SYTL2: variants seen among roughly 807,000 people sequenced by gnomAD.
SYTL2 encodes synaptotagmin-like protein 2.
A neutral mutation model predicts 198.7 loss-of-function variants in SYTL2; 165 were observed. That is an observed-to-expected ratio of 0.83 (90% CI 0.73 to 0.94). The LOEUF (loss-of-function observed/expected upper bound fraction) is 0.94, where lower values mean the gene tolerates loss of function less well. Ranked by LOEUF, SYTL2 falls within the 40% of genes least tolerant of loss-of-function variation. SYTL2 has a pLI of 0.00. For synonymous variants in SYTL2, 966 were observed against 917.7 expected (o/e 1.05, Z -0.95); for missense variants, 2,835 against 2,582.8 (o/e 1.10, Z -2.12).
At chr11:85,828,688 CT>C in the SYTL2 span, among the ~76,000 whole-genome samples, 1 of 152,200 alleles carries the variant, frequency 6.6e-6, no homozygotes. Flanking sequence ...ATTTGATCCT[CT>C]CAACAGCCCT....
At position 85,698,098 on chromosome 11, in the gene SYTL2, G is replaced by C. The variant is rs1441084566; in HGVS notation, c.6269-20C>G. 1 of 1,572,594 alleles carries C rather than the reference G, an allele frequency of 6.4e-7. No individual in the cohort carries two copies. The highest frequency in any genetic ancestry group is 8.7e-7 in the Non-Finnish European group (1 of 1,143,632). ...TTTTACCTACAATAGAAAAAGAAGA[G>C]AAAATTTTCACTGCCAGTTCTCCCT... On this transcript the variant is annotated intron_variant, in intron 17 of 19. Coordinates refer to ENST00000359152, the MANE Select transcript of SYTL2 (RefSeq NM_206927.4).
At chr11:85,712,810 G>A (rs747688483) in intron 12 of SYTL2, among the ~76,000 whole-genome samples, 12 of 151,798 alleles carry the variant, frequency 7.9e-5, no homozygotes, top group Non-Finnish European at 1.6e-4. Context: ...TCTGCCTCCC[G>A]GGTTCAAGCA....
intron 16 of SYTL2, 134 bp downstream of exon 16, chr11:85,704,724 C>CT (rs911217810): frequency 4.6e-5 from 29 of 628,804 alleles, no homozygotes; most frequent in South Asian, 8.2e-5. Flanking sequence ...TTTTACCTTT[C>CT]TTTTTTTTCC....
intron 11 of SYTL2, chr11:85,714,838 A>T: frequency 3.2e-6 from 1 of 309,676 alleles, no homozygotes; most frequent in South Asian, 5.6e-5. Flanking sequence ...ACAGAGCTTC[A>T]GACCACAAAG....
chr11:85,756,810 T>A (rs1304467577), intron 2 of SYTL2, among the ~76,000 whole-genome samples: 1 of 152,218 alleles, frequency 6.6e-6, no homozygotes, highest in Admixed American at 6.5e-5. Context: ...AATAAAGCCA[T>A]TATTCATGGT....
intron 1 of SYTL2, among the ~76,000 whole-genome samples, chr11:85,775,527 G>A (rs373672343): frequency 6.6e-6 from 1 of 152,128 alleles, no homozygotes; most frequent in African/African-American, 2.4e-5. Flanking sequence ...CTATCATCCA[G>A]GCTAGAGTAC....
intron 1 of SYTL2, among the ~76,000 whole-genome samples, chr11:85,762,897 G>T (rs562956979): frequency 2.0e-5 from 3 of 151,876 alleles, no homozygotes; most frequent in African/African-American, 7.3e-5. Flanking sequence ...CCAGTGATTT[G>T]TATTCCCAGC....
the SYTL2 span, among the ~76,000 whole-genome samples, chr11:85,848,303 T>A: frequency 6.6e-6 from 1 of 151,678 alleles, no homozygotes; most frequent in South Asian, 2.1e-4. Context: ...AGAGCAGATA[T>A]TTTAAATTTA....
chr11:85,720,249 A>G (rs1247392350), intron 9 of SYTL2, among the ~76,000 whole-genome samples: 1 of 152,248 alleles, frequency 6.6e-6, no homozygotes, highest in African/African-American at 2.4e-5. Flanking sequence ...CCTTGAAGCC[A>G]GGGACTAATT....
the SYTL2 span, among the ~76,000 whole-genome samples, chr11:85,839,342 G>A: frequency 1.4e-3 from 214 of 152,074 alleles, 4 homozygotes; most frequent in African/African-American, 5.0e-3. Flanking sequence ...TCACCCTTTC[G>A]TAACAGATCT....
chr11:85,815,945 C>A (rs2153669180), upstream of SYTL2, among the ~76,000 whole-genome samples: 1 of 152,278 alleles, frequency 6.6e-6, no homozygotes, highest in Non-Finnish European at 1.5e-5. Flanking sequence ...TGGTGGATTG[C>A]TTGAGCTCAG....
In SYTL2 at chr11:85,757,789, C is replaced by G; in HGVS notation, c.-64G>C. The G allele has an allele frequency of 1.3e-6, 2 of 1,593,754 alleles. No homozygotes were observed. The highest frequency in any genetic ancestry group is 2.2e-5 in the South Asian group (2 of 90,728). On this transcript the variant is annotated 5_prime_UTR_variant, in exon 2 of 20. Coordinates refer to ENST00000359152, the MANE Select transcript of SYTL2 (RefSeq NM_206927.4). ...GCTCAAAATTCTCAGGGCTGAACAACTAAGACTGCAACCAGGAAGATTAAA... is the reference window on the plus strand; with the variant it reads ...GCTCAAAATTCTCAGGGCTGAACAAGTAAGACTGCAACCAGGAAGATTAAA...
the SYTL2 span, among the ~76,000 whole-genome samples, chr11:85,845,747 T>TAC: frequency 2.4e-3 from 362 of 151,552 alleles, 1 homozygote; most frequent in African/African-American, 7.2e-3. Context: ...TCTCTACTAA[T>TAC]ACACACACAC....
rs766225571 is a variant in SYTL2, at chr11:85,757,629, C to A, written c.97G>T (p.Val33Phe). 10 of 1,613,702 alleles carry A rather than the reference C, an allele frequency of 6.2e-6. No individual in the cohort carries two copies. The highest frequency in any genetic ancestry group is 3.3e-4 in the Middle Eastern group (2 of 6,060). ...AALKRAEEER[V>F]RHLPEKIKDD... ...AAGGCTTCTCTGGCCTCTTACCTGACTCTCTCTTCTTCGGCCCTCTTCAGA... is the reference window on the plus strand; with the variant it reads ...AAGGCTTCTCTGGCCTCTTACCTGAATCTCTCTTCTTCGGCCCTCTTCAGA... The change falls in exon 2 of 20, where the codon GTC (valine) becomes TTC (phenylalanine). Residue 33 changes from valine (V) to phenylalanine (F), a missense_variant. Coordinates refer to ENST00000359152, the MANE Select transcript of SYTL2 (RefSeq NM_206927.4).
chr11:85,764,712 A>G (rs1285145517), intron 1 of SYTL2, among the ~76,000 whole-genome samples: 1 of 152,240 alleles, frequency 6.6e-6, no homozygotes, highest in African/African-American at 2.4e-5. Flanking sequence ...TAGGAATTAG[A>G]AAATGATCAG....
chr11:85,822,122 T>C, the SYTL2 span, among the ~76,000 whole-genome samples: 2 of 152,230 alleles, frequency 1.3e-5, no homozygotes, highest in Non-Finnish European at 1.5e-5. Context: ...ATTTTACAAG[T>C]GAGGATACTA....
the SYTL2 span, among the ~76,000 whole-genome samples, chr11:85,828,921 GTCT>G: frequency 4.6e-5 from 7 of 152,254 alleles, no homozygotes; most frequent in East Asian, 1.4e-3. Flanking sequence ...TAGGACCCTG[GTCT>G]TCTGTGCAGT....
intron 19 of SYTL2, 55 bp downstream of exon 19, chr11:85,696,128 T>C: frequency 6.9e-7 from 1 of 1,449,540 alleles, no homozygotes; most frequent in Non-Finnish European, 9.7e-7. Flanking sequence ...AACAAACCTC[T>C]AGTATCTCTA....
chr11:85,761,512 G>A (rs552818715), intron 1 of SYTL2, among the ~76,000 whole-genome samples: 1 of 152,316 alleles, frequency 6.6e-6, no homozygotes, highest in South Asian at 2.1e-4. Context: ...ATTAGGCCTT[G>A]TGAGGACAGT....
Sources: gnomAD v4.1 joint callset for allele counts (sites outside exome capture counted in the v4.1 genomes callset) on GRCh38, gnomAD v4.1.1 for gene constraint, MANE v1.5 for transcripts, NCBI Gene and HGNC (gene_info 2026-07-23, HGNC 2026-07-21) for gene names.